SIGLEC12: variants seen among roughly 807,000 people sequenced by gnomAD.
SIGLEC12 encodes the protein sialic acid-binding Ig-like lectin 12.
A neutral mutation model predicts 54.1 loss-of-function variants in SIGLEC12; 43 were observed. The ratio of observed to expected loss-of-function variants is 0.80; its 90% confidence interval spans 0.62 to 1.03. SIGLEC12 has a LOEUF of 1.03. Ranked by LOEUF, SIGLEC12 falls within the 50% of genes least tolerant of loss-of-function variation. SIGLEC12 has a pLI of 0.00. For synonymous variants in SIGLEC12, 357 were observed against 307.6 expected, an observed-to-expected ratio of 1.16 and a Z score of -1.68; for missense variants, 802 against 735.2, an observed-to-expected ratio of 1.09 and a Z score of -1.05.
chr19:51,491,962 C>A, intron 7 of SIGLEC12, 133 bp from the exon 8 acceptor site: 1 of 612,434 alleles, frequency 1.6e-6, no homozygotes. Flanking sequence ...CTCTTTAATA[C>A]GTTCCTCTAA....
chr19:51,499,468 T>G lies in SIGLEC12; in HGVS notation c.1057A>C (p.Met353Leu). Residue 353 changes from methionine to leucine, a missense_variant, in exon 3 of 8, where the codon ATG (methionine) becomes CTG (leucine). Met to Leu is a conservative substitution (Grantham distance 15, BLOSUM62 2). Transcript: ENST00000291707. ...ATGTTGAGTCGGACAGCCCTGGTCATGGTCACGCCGGCCCCAGGCAAGGTC... is the reference window on the plus strand; with the variant it reads ...ATGTTGAGTCGGACAGCCCTGGTCAGGGTCACGCCGGCCCCAGGCAAGGTC... ...QVTLPGAGVT[M>L]TRAVRLNISY... 1 of 1,600,358 alleles carries G rather than the reference T, an allele frequency of 6.2e-7. No homozygotes were observed. Among genetic ancestry groups the G allele is most frequent in the African/African-American group, 1.3e-5 (1 of 74,398 alleles).
intron 5 of SIGLEC12, 94 bp downstream of exon 5, chr19:51,497,924 G>A (rs1168129729): frequency 6.5e-7 from 1 of 1,535,926 alleles, no homozygotes; most frequent in African/African-American, 1.4e-5. Flanking sequence ...AGAGGACTGT[G>A]ATGCTGTGGG....
rs1990297315 is a variant in SIGLEC12, at chr19:51,498,245, T to G, written c.1178A>C (p.Glu393Ala). 6.2e-7 allele frequency: 1 copy of G among 1,613,144 alleles called. No individual in the cohort carries two copies. Among genetic ancestry groups the G allele is most frequent in the Non-Finnish European group, 8.5e-7 (1 of 1,179,504 alleles). Residue 393 changes from glutamate (E) to alanine (A), a missense_variant, in exon 5 of 8, where the codon GAG (glutamate) becomes GCG (alanine). By Grantham distance (107) the Glu-to-Ala change is moderately radical. Transcript: ENST00000291707. ...ACAGACAAGGTGCAGGGACTGGCCCTCCAGGACTGAAAGGGCCGAGCCATT... is the reference window on the plus strand; with the variant it reads ...ACAGACAAGGTGCAGGGACTGGCCCGCCAGGACTGAAAGGGCCGAGCCATT... ...LRNGSALSVL[E>A]GQSLHLVCAV...
rs536748601 is a variant in SIGLEC12, at chr19:51,494,247, A to T, written c.1600-2418T>A. On this transcript the variant is annotated intron_variant, in intron 7 of 7. Coordinates refer to ENST00000291707, the MANE Select transcript of SIGLEC12 (RefSeq NM_053003.4). ...AAAGTTTTAATATCCAGAATATATT[A>T]AAAAAATTCTTAGAACTCAACAGCA... Among the ~76,000 whole-genome samples, 22 of 152,136 alleles carry T rather than the reference A, an allele frequency of 1.4e-4. No homozygotes were observed. The South Asian group carries it at 2.3e-3, about 16-fold the overall frequency.
At chr19:51,494,479 G>A (rs543889763) in intron 7 of SIGLEC12, among the ~76,000 whole-genome samples, 1 of 152,358 alleles carries the variant, frequency 6.6e-6, no homozygotes, top group South Asian at 2.1e-4. Context: ...TGGTGAGGAT[G>A]TGGAGAAATG....
In SIGLEC12 at chr19:51,497,572, G is replaced by A. The variant is rs144187001; in HGVS notation, c.1406-127C>T. 63 of 637,968 alleles carry A rather than the reference G, an allele frequency of 9.9e-5. 1 individual carries two copies. Among genetic ancestry groups the A allele is most frequent in the Admixed American group, 3.7e-4 (12 of 32,596 alleles). The allele number at this position is 637,968 out of a possible 1,614,324, so 39.5% of individuals were successfully genotyped here. On this transcript the variant is annotated intron_variant, in intron 5 of 7. Coordinates refer to ENST00000291707, the MANE Select transcript of SIGLEC12 (RefSeq NM_053003.4). ...CTTCCCGGACAGAAAGAACAAGGACGGAAGGGAACTTCTCCTGAGGTCACT... is the reference window on the plus strand; with the variant it reads ...CTTCCCGGACAGAAAGAACAAGGACAGAAGGGAACTTCTCCTGAGGTCACT...
At position 51,499,674 on chromosome 19, in the gene SIGLEC12, T is replaced by G; in HGVS notation, c.851A>C (p.Glu284Ala). The change falls in exon 3 of 8, where the codon GAG (glutamate) becomes GCG (alanine). Residue 284 changes from glutamate (E) to alanine (A), a missense_variant. By Grantham distance (107) the Glu-to-Ala change is moderately radical. Coordinates refer to ENST00000291707, the MANE Select transcript of SIGLEC12 (RefSeq NM_053003.4). ...MPTFSIPGTLESGHPRNLTCS... is the reference protein window; with the variant it reads ...MPTFSIPGTLASGHPRNLTCS... ...GGTCAGGTTCCTGGGGTGGCCAGAC[T>G]CCAGGGTCCCCGGGATGGAGAAGGT... 1 of 1,614,038 alleles carries G rather than the reference T, an allele frequency of 6.2e-7. No homozygotes were observed. The highest frequency in any genetic ancestry group is 8.5e-7 in the Non-Finnish European group (1 of 1,179,978).
chr19:51,498,005 C>T lies in SIGLEC12; in HGVS notation c.1405+13G>A. On this transcript the variant is annotated intron_variant, in intron 5 of 7. Transcript: ENST00000291707. ...CATGTGTGTTCTCCTCCTCCAGACC[C>T]TCCCCTACCCACCTGTGTACTCGTT... 6.2e-7 allele frequency: 1 copy of T among 1,613,974 alleles called. No individual in the cohort carries two copies. The highest frequency in any genetic ancestry group is 1.1e-5 in the South Asian group (1 of 91,084).
chr19:51,501,000 T>A (rs1226390130), intron 1 of SIGLEC12, among the ~76,000 whole-genome samples: 1 of 152,032 alleles, frequency 6.6e-6, no homozygotes, highest in Non-Finnish European at 1.5e-5. Context: ...CCTGGGATGG[T>A]GCTAAACCCC....
At chr19:51,492,227 G>A (rs1389807180) in intron 7 of SIGLEC12, among the ~76,000 whole-genome samples, 1 of 152,138 alleles carries the variant, frequency 6.6e-6, no homozygotes, top group Non-Finnish European at 1.5e-5. Flanking sequence ...ATGGACTGTG[G>A]TGGACACGGT....
chr19:51,499,080 A>G (rs1279896190), intron 4 of SIGLEC12, 90 bp downstream of exon 4: 1 of 1,436,980 alleles, frequency 7.0e-7, no homozygotes, highest in Non-Finnish European at 9.8e-7. Context: ...CTCACCCACA[A>G]AAGGGTCTCA....
rs138037222 is a variant in SIGLEC12 at position 51,491,643 on chromosome 19, A to G, written c.1786T>C (p.Ter596ArgextTer22). The change falls in exon 8 of 8, where the codon TGA (stop) becomes CGA (arginine). Residue 596 changes from the stop codon to arginine, a stop_lost. Transcript: ENST00000291707. ...YEYSEINIPK* is the reference protein window; with the variant it reads ...YEYSEINIPKR Reference sequence around the variant, plus strand: ...CAGGCCTGAGTCTCTGCAGTTTCTCACTTGGGGATGTTGATCTCGGAGTAC... The same window carrying G: ...CAGGCCTGAGTCTCTGCAGTTTCTCGCTTGGGGATGTTGATCTCGGAGTAC... 1.7e-5 allele frequency: 28 copies of G among 1,613,744 alleles called. No individual in the cohort carries two copies. Among genetic ancestry groups the G allele is most frequent in the Non-Finnish European group, 1.8e-5 (21 of 1,179,972 alleles).
rs778224430 is a variant in SIGLEC12, at chr19:51,501,496, T to A, written c.238A>T (p.Asn80Tyr). The change falls in exon 1 of 8, where the codon AAC becomes TAC. Residue 80 changes from asparagine (N) to tyrosine (Y), a missense_variant. By Grantham distance (143) the Asn-to-Tyr change is moderately radical. Transcript: ENST00000291707. ...TCCTCCTGCACTGCTCGAGCTGGGT[T>A]GTTTGTGGCCACTGGAATGTTCCGG... ...VSRNIPVATN[N>Y]PARAVQEETR... 4 of 1,613,010 alleles carry A rather than the reference T, an allele frequency of 2.5e-6. No individual in the cohort carries two copies. The highest frequency in any genetic ancestry group is 3.4e-6 in the Non-Finnish European group (4 of 1,179,692).
At position 51,491,456 on chromosome 19, in the gene SIGLEC12, G is replaced by A; in HGVS notation, c.*185C>T. 1 of 602,948 alleles carries A rather than the reference G, an allele frequency of 1.7e-6. No homozygotes were observed. Among genetic ancestry groups the A allele is most frequent in the Non-Finnish European group, 2.9e-6 (1 of 344,024 alleles). The allele number at this position is 602,948 out of a possible 1,614,324, so 37.3% of individuals were successfully genotyped here. ...ACCAGAGGCCGGGGGCGGGGAGTGT[G>A]GACCGATTGGATGGAGAAAGGGAGA... On this transcript the variant is annotated 3_prime_UTR_variant, in exon 8 of 8. Coordinates refer to ENST00000291707, the MANE Select transcript of SIGLEC12 (RefSeq NM_053003.4).
At chr19:51,492,500 G>C (rs949850619) in intron 7 of SIGLEC12, among the ~76,000 whole-genome samples, 2 of 152,110 alleles carry the variant, frequency 1.3e-5, no homozygotes, top group Non-Finnish European at 2.9e-5. Context: ...AAATGTCCAT[G>C]CCCTAATCCC....
At position 51,500,365 on chromosome 19, in the gene SIGLEC12, C is replaced by A. The variant is rs1224877162; in HGVS notation, c.428-65G>T. 4.3e-6 allele frequency: 7 copies of A among 1,613,170 alleles called. No homozygotes were observed. The Admixed American group carries it at 6.7e-5, about 15-fold the overall frequency. On this transcript the variant is annotated intron_variant, in intron 1 of 7. Coordinates refer to ENST00000291707, the MANE Select transcript of SIGLEC12 (RefSeq NM_053003.4). ...TCTCTTCATTTGCCCATAGCAGGGG[C>A]AGCAGCATCTCTGAGGCAGAGGCTT...
intron 5 of SIGLEC12, 31 bp downstream of exon 5, chr19:51,497,987 G>C (rs1308867551): frequency 1.2e-6 from 2 of 1,612,156 alleles, no homozygotes; most frequent in African/African-American, 1.3e-5. Context: ...GGACATGTGT[G>C]TTCTCCTCCT....
In SIGLEC12 at chr19:51,491,599, G is replaced by A; in HGVS notation, c.*42C>T. 6.3e-7 allele frequency: 1 copy of A among 1,590,712 alleles called. No individual in the cohort carries two copies. Among genetic ancestry groups the A allele is most frequent in the South Asian group, 1.1e-5 (1 of 90,504 alleles). On this transcript the variant is annotated 3_prime_UTR_variant, in exon 8 of 8. Coordinates refer to ENST00000291707, the MANE Select transcript of SIGLEC12 (RefSeq NM_053003.4). Reference sequence around the variant, plus strand: ...ATCAGTCTCGGGCTTCTTTGCTGCAGGGGTCGTGAGCCCTCAAACAGGCCT... The same window carrying A: ...ATCAGTCTCGGGCTTCTTTGCTGCAAGGGTCGTGAGCCCTCAAACAGGCCT...
Position 51,500,256 on chromosome 19 carries a change from A to G in SIGLEC12, c.472T>C (p.Ser158Pro). The G allele has an allele frequency of 6.2e-7, 1 of 1,613,898 alleles. No homozygotes were observed. The highest frequency in any genetic ancestry group is 8.5e-7 in the Non-Finnish European group (1 of 1,179,952). The part of the protein sequence containing the change: ...LSRYRLEVPE[S>P]VTVQEGLCVS... The stretch of plus-strand genomic sequence containing the variant: ...CACAGACCCTCCTGCACAGTCACCG[A>G]CTCTGGCACCTCCAGCCTGTATCTT... The change falls in exon 2 of 8, where the codon TCG (serine) becomes CCG (proline). Residue 158 changes from serine (S) to proline (P), a missense_variant. Coordinates refer to ENST00000291707, the MANE Select transcript of SIGLEC12 (RefSeq NM_053003.4).
Sources: gnomAD v4.1 joint callset for allele counts (sites outside exome capture counted in the v4.1 genomes callset) on GRCh38, gnomAD v4.1.1 for gene constraint, MANE v1.5 for transcripts, NCBI Gene and HGNC (gene_info 2026-07-23, HGNC 2026-07-21) for gene names.